Variants in CNBD1 observed in about 807,000 individuals in gnomAD.
CNBD1 encodes cyclic nucleotide-binding domain-containing protein 1.
A neutral mutation model predicts 54.4 loss-of-function variants in CNBD1; 71 were observed. That is an observed-to-expected ratio of 1.30 (90% CI 1.08 to 1.59). CNBD1 has a LOEUF of 1.59. Ranked by LOEUF, CNBD1 falls within the 40% of genes most tolerant of loss-of-function variation. The probability of loss-of-function intolerance (pLI) is 0.00; values close to 1 mark genes in which losing one functional copy is unlikely to be tolerated. For synonymous variants in CNBD1, 182 were observed against 170.7 expected, an observed-to-expected ratio of 1.07 and a Z score of -0.51; for missense variants, 659 against 518.0, an observed-to-expected ratio of 1.27 and a Z score of -2.64.
intron 4 of CNBD1, among the ~76,000 whole-genome samples, chr8:87,139,259 A>G (rs1396390799): frequency 1.3e-5 from 2 of 152,190 alleles, no homozygotes; most frequent in East Asian, 3.8e-4. Flanking sequence ...AGGTTTTATT[A>G]CTCTTATTAC....
chr8:87,414,940 G>A (rs1047770524), intron 2 of CNBD1, among the ~76,000 whole-genome samples: 1 of 152,042 alleles, frequency 6.6e-6, no homozygotes, highest in Non-Finnish European at 1.5e-5. Context: ...ACCTGGAACT[G>A]TTATTCCCCT....
intron 8 of CNBD1, among the ~76,000 whole-genome samples, chr8:87,327,993 A>G (rs1403217556): frequency 2.6e-5 from 4 of 151,410 alleles, no homozygotes; most frequent in Non-Finnish European, 4.4e-5. Context: ...GTTTAGTTTA[A>G]TTTCTGGGAT....
At chr8:87,017,898 G>T (rs1242679052) in intron 4 of CNBD1, among the ~76,000 whole-genome samples, 1 of 152,120 alleles carries the variant, frequency 6.6e-6, no homozygotes. Flanking sequence ...ATTTTATAAA[G>T]ACTGAAACTA....
chr8:87,274,560 A>G (rs1332236845), intron 6 of CNBD1, among the ~76,000 whole-genome samples: 2 of 147,914 alleles, frequency 1.4e-5, no homozygotes, highest in Non-Finnish European at 1.5e-5. Context: ...GGCTACATAA[A>G]TGTCTTCTTT....
At chr8:87,129,069 C>CAAAAAAAGAAA (rs1554557984) in intron 4 of CNBD1, among the ~76,000 whole-genome samples, 1 of 26,182 alleles carries the variant, frequency 3.8e-5, no homozygotes, top group African/African-American at 1.6e-4. Flanking sequence ...GACTCTGCCT[C>CAAAAAAAGAAA]AAAAAAAAAA....
intron 5 of CNBD1, among the ~76,000 whole-genome samples, chr8:87,221,337 T>A (rs1198540834): frequency 6.6e-6 from 1 of 152,116 alleles, no homozygotes; most frequent in Non-Finnish European, 1.5e-5. Context: ...AGTGAATTCT[T>A]TAAAATACTT....
At chr8:87,356,577 T>C (rs1235729048) in intron 10 of CNBD1, among the ~76,000 whole-genome samples, 1 of 151,936 alleles carries the variant, frequency 6.6e-6, no homozygotes, top group Admixed American at 6.6e-5. Context: ...CAAGAATTAG[T>C]GTGGGTGCAT....
chr8:87,297,358 T>C (rs1234171809), intron 8 of CNBD1, among the ~76,000 whole-genome samples: 6 of 152,046 alleles, frequency 3.9e-5, no homozygotes, highest in Admixed American at 3.3e-4. Context: ...TATTTGATCT[T>C]GCCACATTTT....
intron 4 of CNBD1, among the ~76,000 whole-genome samples, chr8:87,121,621 A>G (rs1471625126): frequency 1.3e-5 from 2 of 151,620 alleles, no homozygotes; most frequent in Non-Finnish European, 3.0e-5. Context: ...CCCCCCATTC[A>G]TCTAAAGCTT....
chr8:87,140,986 G>A (rs1812359088), intron 4 of CNBD1, among the ~76,000 whole-genome samples: 1 of 151,996 alleles, frequency 6.6e-6, no homozygotes, highest in Admixed American at 6.6e-5. Context: ...TGTAAAAAAA[G>A]ACCATAAAAG....
chr8:86,997,891 C>T (rs1471299202), intron 4 of CNBD1, among the ~76,000 whole-genome samples: 2 of 152,086 alleles, frequency 1.3e-5, no homozygotes, highest in Non-Finnish European at 2.9e-5. Context: ...ATAAGAAGCT[C>T]CCACTATGTG....
intron 2 of CNBD1, among the ~76,000 whole-genome samples, chr8:87,401,630 C>A (rs557479831): frequency 2.0e-5 from 3 of 152,038 alleles, no homozygotes; most frequent in Non-Finnish European, 4.4e-5. Context: ...CCATGAGAAT[C>A]TGCATCCATG....
intron 5 of CNBD1, among the ~76,000 whole-genome samples, chr8:87,207,845 A>T (rs1814010172): frequency 6.6e-6 from 1 of 152,174 alleles, no homozygotes; most frequent in Non-Finnish European, 1.5e-5. Context: ...CAACACTTAA[A>T]AATTAGGAGA....
At chr8:87,013,528 CT>C (rs1809267459) in intron 4 of CNBD1, among the ~76,000 whole-genome samples, 1 of 151,294 alleles carries the variant, frequency 6.6e-6, no homozygotes, top group African/African-American at 2.4e-5. Context: ...TTCTTTTCTG[CT>C]TGCTTTAAAT....
chr8:87,066,073 T>C (rs941342370), intron 4 of CNBD1, among the ~76,000 whole-genome samples: 4 of 151,990 alleles, frequency 2.6e-5, no homozygotes, highest in African/African-American at 7.2e-5. Context: ...AGTGACCCAG[T>C]GTTGTCAGCA....
intron 10 of CNBD1, among the ~76,000 whole-genome samples, chr8:87,374,952 C>T (rs771290211): frequency 1.3e-5 from 2 of 149,978 alleles, no homozygotes; most frequent in Admixed American, 1.3e-4. Context: ...GGCAAAAATG[C>T]AAGGTTTTCT....
chr8:86,877,841 A>T (rs1376840405), intron 1 of CNBD1, among the ~76,000 whole-genome samples: 1 of 151,262 alleles, frequency 6.6e-6, no homozygotes. Context: ...TCTGCTCCCT[A>T]TTTTCATTTG....
At chr8:87,342,836 A>G (rs899814353) in intron 8 of CNBD1, among the ~76,000 whole-genome samples, 1 of 152,168 alleles carries the variant, frequency 6.6e-6, no homozygotes, top group East Asian at 1.9e-4. Context: ...ATGAGGGTCC[A>G]TGTCCCACTG....
intron 2 of CNBD1, among the ~76,000 whole-genome samples, chr8:86,889,535 T>G (rs1808734053): frequency 6.6e-6 from 1 of 152,146 alleles, no homozygotes; most frequent in Non-Finnish European, 1.5e-5. Flanking sequence ...ATTCAAGGTT[T>G]TAAATTTTTG....
Sources: gnomAD v4.1 joint callset for allele counts (sites outside exome capture counted in the v4.1 genomes callset) on GRCh38, gnomAD v4.1.1 for gene constraint, MANE v1.5 for transcripts, NCBI Gene and HGNC (gene_info 2026-07-23, HGNC 2026-07-21) for gene names.